Variants in CCDC83 observed in about 807,000 individuals in gnomAD.
CCDC83 encodes coiled-coil domain-containing protein 83.
CCDC83 carries 54 observed loss-of-function variants against 50.1 expected under a neutral mutation model. That is an observed-to-expected ratio of 1.08 (90% CI 0.87 to 1.35). The LOEUF (loss-of-function observed/expected upper bound fraction) is 1.35. Ranked by LOEUF, CCDC83 falls within the 40% of genes most tolerant of loss-of-function variation. The pLI is 0.00. For missense variants in CCDC83, 518 were observed against 473.9 expected, an observed-to-expected ratio of 1.09 and a Z score of -0.86; for synonymous variants, 161 against 153.3, an observed-to-expected ratio of 1.05 and a Z score of -0.37.
intron 10 of CCDC83, among the ~76,000 whole-genome samples, chr11:85,917,182 AAG>A (rs1372082864): frequency 8.8e-6 from 1 of 113,542 alleles, no homozygotes; most frequent in East Asian, 2.1e-4. Context: ...GAAAGAAAGA[AAG>A]AAAGAAAGAG....
rs1259430668 is a variant in CCDC83 at position 85,905,804 on chromosome 11, T to C, written c.673-5477T>C. ...CTAACACGGTGAAACCCCGTCTCTA[T>C]TAAAAACACAAAAAATTAGCCAGGC... On this transcript the variant is annotated intron_variant, in intron 7 of 10. Coordinates refer to ENST00000342404, the MANE Select transcript of CCDC83 (RefSeq NM_001286159.2). Among the ~76,000 whole-genome samples the C allele has an allele frequency of 1.4e-5, 2 of 145,412 alleles. 1 individual carries two copies. The highest frequency in any genetic ancestry group is 4.4e-4 in the South Asian group (2 of 4,552).
intron 10 of CCDC83, 96 bp downstream of exon 10, chr11:85,916,329 G>T: frequency 2.2e-6 from 2 of 924,400 alleles, no homozygotes; most frequent in Non-Finnish European, 3.4e-6. Context: ...TATGGATATT[G>T]AAAATTCCAT....
At chr11:85,868,055 T>C (rs1208048390) in intron 2 of CCDC83, among the ~76,000 whole-genome samples, 1 of 152,172 alleles carries the variant, frequency 6.6e-6, no homozygotes, top group East Asian at 1.9e-4. Flanking sequence ...CTCTCTCAGC[T>C]CCTAACAAAG....
At chr11:85,907,998 C>T (rs1051586819) in intron 7 of CCDC83, among the ~76,000 whole-genome samples, 1 of 152,024 alleles carries the variant, frequency 6.6e-6, no homozygotes, top group African/African-American at 2.4e-5. Flanking sequence ...ATAAATTTTC[C>T]TTAAGGCATT....
chr11:85,912,501 G>A lies in CCDC83; in HGVS notation c.794+1099G>A, dbSNP rs926428808. 27 of 657,350 alleles carry A rather than the reference G, an allele frequency of 4.1e-5. No homozygotes were observed. The African/African-American group carries it at 4.7e-4, about 11-fold the overall frequency. 40.7% of individuals were successfully genotyped at this position (657,350 alleles called of 1,614,324 possible). ...TTCAGAGAGAGTAGATACCAATATAGATGAGGTGAGGCTGAATGAGGATTG... is the reference window on the plus strand; with the variant it reads ...TTCAGAGAGAGTAGATACCAATATAAATGAGGTGAGGCTGAATGAGGATTG... On this transcript the variant is annotated intron_variant, in intron 8 of 10. Transcript: ENST00000342404.
intron 6 of CCDC83, among the ~76,000 whole-genome samples, chr11:85,897,184 TA>T (rs1209412625): frequency 2.0e-5 from 3 of 152,176 alleles, no homozygotes; most frequent in Admixed American, 1.3e-4. Context: ...TCGTGAGGAC[TA>T]TTCTAAATAT....
Position 85,909,737 on chromosome 11 carries a change from C to G in CCDC83, c.673-1544C>G, listed in dbSNP as rs377312420. ...TCCCGGGTTCAAGTGATTCTCCTGC[C>G]TCAGCCTCCCGACAAAATACACTTC... On this transcript the variant is annotated intron_variant, in intron 7 of 10. Coordinates refer to ENST00000342404, the MANE Select transcript of CCDC83 (RefSeq NM_001286159.2). Among the ~76,000 whole-genome samples, 4 of 149,992 alleles carry G rather than the reference C, an allele frequency of 2.7e-5. No homozygotes were observed. In the South Asian group the frequency reaches 8.4e-4, roughly 31 times the overall value.
chr11:85,917,134 A>AGAG (rs2093481005), intron 10 of CCDC83, among the ~76,000 whole-genome samples: 5 of 77,882 alleles, frequency 6.4e-5, no homozygotes, highest in Admixed American at 1.5e-4. Context: ...AAGAAAAAGA[A>AGAG]AGAGAGAGAG....
At position 85,898,800 on chromosome 11, in the gene CCDC83, C is replaced by T. The variant is rs537646856; in HGVS notation, c.604-147C>T. 312 of 647,850 alleles carry T rather than the reference C, an allele frequency of 4.8e-4. 8 individuals are homozygous for T. The South Asian group carries it at 5.1e-3, about 11-fold the overall frequency. 40.1% of individuals were successfully genotyped at this position (647,850 alleles called of 1,614,324 possible). A position where few individuals can be genotyped will look rare whatever the true frequency, so the allele number is the denominator to read the frequency against. Reference sequence around the variant, plus strand: ...ATACAATAGGATAGTAAAGAATGAACAACCAAACCAAAAGTTCTTAAGTAT... The same window carrying T: ...ATACAATAGGATAGTAAAGAATGAATAACCAAACCAAAAGTTCTTAAGTAT... On this transcript the variant is annotated intron_variant, in intron 6 of 10. Transcript: ENST00000342404.
intron 4 of CCDC83, among the ~76,000 whole-genome samples, chr11:85,883,273 G>A (rs954696640): frequency 6.6e-6 from 1 of 151,956 alleles, no homozygotes; most frequent in Non-Finnish European, 1.5e-5. Flanking sequence ...CTCATAGTAG[G>A]GTTTTGTTCT....
At chr11:85,917,169 A>AGAGAGAGAGAGAG (rs759852369) in intron 10 of CCDC83, among the ~76,000 whole-genome samples, 2 of 90,164 alleles carry the variant, frequency 2.2e-5, no homozygotes, top group African/African-American at 8.8e-5. Context: ...AGAGAGAGAG[A>AGAGAGAGAGAGAG]AAGAAAGAAA....
At chr11:85,903,167 A>G (rs755084317) in intron 7 of CCDC83, among the ~76,000 whole-genome samples, 20 of 152,126 alleles carry the variant, frequency 1.3e-4, no homozygotes, top group Non-Finnish European at 1.5e-4. Context: ...CAGGAGGCAG[A>G]GGTTGCAGTG....
intron 2 of CCDC83, among the ~76,000 whole-genome samples, chr11:85,871,483 G>T (rs1463942304): frequency 1.3e-5 from 2 of 152,026 alleles, no homozygotes; most frequent in African/African-American, 4.8e-5. Flanking sequence ...GGGAAAGAAA[G>T]AGCCTAGTTT....
chr11:85,873,858 C>T (rs1410883775), intron 3 of CCDC83, among the ~76,000 whole-genome samples: 1 of 152,182 alleles, frequency 6.6e-6, no homozygotes, highest in Non-Finnish European at 1.5e-5. Flanking sequence ...ATAATTAACA[C>T]AATTTATCCC....
At position 85,863,989 on chromosome 11, in the gene CCDC83, T is replaced by C. The variant is rs557668867; in HGVS notation, c.-28-1107T>C. Among the ~76,000 whole-genome samples the C allele has an allele frequency of 1.1e-4, 16 of 152,336 alleles. 1 individual carries two copies. Among genetic ancestry groups the C allele is most frequent in the African/African-American group, 3.6e-4 (15 of 41,570 alleles). On this transcript the variant is annotated intron_variant, in intron 1 of 10. Transcript: ENST00000342404. ...ACAATAGCTCTTAGAGTAGAATTGT[T>C]ATCCTTCTCCCTTGACAGATGATGC...
chr11:85,904,481 A>C (rs2093416435), intron 7 of CCDC83, among the ~76,000 whole-genome samples: 1 of 152,200 alleles, frequency 6.6e-6, no homozygotes, highest in Non-Finnish European at 1.5e-5. Context: ...CAAAGTAGCC[A>C]CCCAACCTGT....
intron 7 of CCDC83, among the ~76,000 whole-genome samples, chr11:85,905,698 A>G (rs2093422405): frequency 6.6e-6 from 1 of 151,548 alleles, no homozygotes; most frequent in African/African-American, 2.4e-5. Flanking sequence ...GGCCAGGCGC[A>G]GTGGCTCATG....
rs915676288 is a variant in CCDC83, at chr11:85,916,445, C to T, written c.1080+212C>T. On this transcript the variant is annotated intron_variant, in intron 10 of 10. Transcript: ENST00000342404. ...CTACCTATATTCCTCTATAGGCCTC[C>T]ATTAATAGTATACAAAGTAAGTTAT... The T allele has an allele frequency of 3.1e-5, 16 of 512,952 alleles. No homozygotes were observed. The East Asian group carries it at 5.8e-4, about 18-fold the overall frequency. 31.8% of individuals were successfully genotyped at this position (512,952 alleles called of 1,614,324 possible). A position where few individuals can be genotyped will look rare whatever the true frequency, so the allele number is the denominator to read the frequency against.
In CCDC83 at chr11:85,886,205, C is replaced by T. The variant is rs775185124; in HGVS notation, c.349C>T (p.Arg117Cys). Residue 117 changes from arginine to cysteine, a missense_variant, in exon 5 of 11, where the codon CGC (arginine) becomes TGC (cysteine). Coordinates refer to ENST00000342404, the MANE Select transcript of CCDC83 (RefSeq NM_001286159.2). ...RDQEKNLRDM[R>C]MQISNAEKLF... is the part of the protein sequence containing the mutation. Reference sequence around the variant, plus strand: ...AGTGTCTTTATTTTCAACAGATATGCGCATGCAAATAAGTAATGCTGAGAA... The same window carrying T: ...AGTGTCTTTATTTTCAACAGATATGTGCATGCAAATAAGTAATGCTGAGAA... 2.6e-5 allele frequency: 41 copies of T among 1,568,960 alleles called. No individual in the cohort carries two copies. Among genetic ancestry groups the T allele is most frequent in the South Asian group, 4.8e-5 (4 of 82,656 alleles).
Sources: gnomAD v4.1 joint callset for allele counts (sites outside exome capture counted in the v4.1 genomes callset) on GRCh38, gnomAD v4.1.1 for gene constraint, MANE v1.5 for transcripts, NCBI Gene and HGNC (gene_info 2026-07-23, HGNC 2026-07-21) for gene names.